Variants in NOX4 observed in about 807,000 individuals in gnomAD.
NOX4 encodes kidney oxidase-1.
A neutral mutation model predicts 87.6 loss-of-function variants in NOX4; 69 were observed. The ratio of observed to expected loss-of-function variants is 0.79; its 90% CI spans 0.65 to 0.96. The LOEUF is 0.96. Ranked by LOEUF, NOX4 falls within the 40% of genes least tolerant of loss-of-function variation. NOX4 has a pLI of 0.00. For synonymous variants in NOX4, 275 were observed against 238.2 expected (o/e 1.15, Z -1.42); for missense variants, 680 against 681.5 (o/e 1.00, Z 0.02).
chr11:89,383,811 C>G (rs540884788), intron 11 of NOX4, among the ~76,000 whole-genome samples: 3 of 152,164 alleles, frequency 2.0e-5, no homozygotes, highest in Non-Finnish European at 4.4e-5. Context: ...CTCACTGCCA[C>G]CCTTTTCTCC....
the NOX4 span, among the ~76,000 whole-genome samples, chr11:89,508,911 C>A: frequency 6.6e-6 from 1 of 152,016 alleles, no homozygotes; most frequent in African/African-American, 2.4e-5. Context: ...CCATTGCACA[C>A]AGTTGTCCAG....
intron 9 of NOX4, 93 bp from the exon 10 acceptor site, chr11:89,400,472 T>C: frequency 2.7e-6 from 2 of 745,304 alleles, no homozygotes; most frequent in Non-Finnish European, 3.9e-6. Context: ...ATTACAGTAA[T>C]AGTATTTTAA....
chr11:89,488,326 T>C (rs1946712184), intron 2 of NOX4, among the ~76,000 whole-genome samples: 1 of 151,940 alleles, frequency 6.6e-6, no homozygotes, highest in Non-Finnish European at 1.5e-5. Context: ...CAGCAGTCCT[T>C]GAAGCTCATT....
At chr11:89,426,470 T>C (rs1943419606) in intron 7 of NOX4, among the ~76,000 whole-genome samples, 2 of 151,940 alleles carry the variant, frequency 1.3e-5, no homozygotes, top group Non-Finnish European at 2.9e-5. Flanking sequence ...TTCCCTTGGC[T>C]AGCCAAGGGA....
At chr11:89,549,422 C>T in the NOX4 span, among the ~76,000 whole-genome samples, 1 of 152,190 alleles carries the variant, frequency 6.6e-6, no homozygotes, top group Non-Finnish European at 1.5e-5. Flanking sequence ...TCACATAAAA[C>T]ACTTTTTATG....
upstream of NOX4, among the ~76,000 whole-genome samples, chr11:89,493,382 C>T (rs915542678): frequency 7.0e-6 from 1 of 142,236 alleles, no homozygotes; most frequent in Non-Finnish European, 1.5e-5. Flanking sequence ...GAGCAAGACT[C>T]TATCTCAAAA....
Position 89,402,471 on chromosome 11 carries a change from G to C in NOX4, c.701C>G (p.Ser234Cys), listed in dbSNP as rs1252547029. 1 of 1,612,386 alleles carries C rather than the reference G, an allele frequency of 6.2e-7. No homozygotes were observed. The highest frequency in any genetic ancestry group is 2.2e-5 in the East Asian group (1 of 44,862). Residue 234 changes from serine to cysteine, a missense_variant, in exon 9 of 18, where the codon TCT becomes TGT. By Grantham distance (112) the Ser-to-Cys change is moderately radical. Coordinates refer to ENST00000263317, the MANE Select transcript of NOX4 (RefSeq NM_016931.5). The part of the protein sequence containing the change: ...PGCISLNRTS[S>C]QNISLPEYFS... Reference sequence around the variant, plus strand: ...ATACTCTGGTAAGGAAATATTCTGAGAGCTGGTTCGGTTAAGACTGATGCA... The same window carrying C: ...ATACTCTGGTAAGGAAATATTCTGACAGCTGGTTCGGTTAAGACTGATGCA...
chr11:89,551,831 G>A, the NOX4 span, among the ~76,000 whole-genome samples: 2 of 151,690 alleles, frequency 1.3e-5, no homozygotes, highest in African/African-American at 4.8e-5. Flanking sequence ...ATACTATGTT[G>A]AATAGAAGTG....
At chr11:89,455,280 A>G (rs1015458552) in intron 2 of NOX4, among the ~76,000 whole-genome samples, 18 of 151,988 alleles carry the variant, frequency 1.2e-4, no homozygotes, top group Non-Finnish European at 2.6e-4. Context: ...CATTACCTTG[A>G]TTCTTATATA....
intron 2 of NOX4, among the ~76,000 whole-genome samples, chr11:89,465,667 A>G (rs494021): frequency 6.6e-6 from 1 of 151,948 alleles, no homozygotes; most frequent in South Asian, 2.1e-4. Context: ...TTAATGATTG[A>G]CATTCTAACT....
At chr11:89,507,633 T>C in the NOX4 span, among the ~76,000 whole-genome samples, 1 of 151,882 alleles carries the variant, frequency 6.6e-6, no homozygotes, top group Non-Finnish European at 1.5e-5. Context: ...GGCAATTCAG[T>C]ATCCAAAACG....
intron 13 of NOX4, among the ~76,000 whole-genome samples, chr11:89,351,303 TAGA>T (rs1205068902): frequency 6.6e-6 from 1 of 152,180 alleles, no homozygotes; most frequent in Non-Finnish European, 1.5e-5. Flanking sequence ...AGTCTGAAGC[TAGA>T]AGAAGTGGTT....
the NOX4 span, among the ~76,000 whole-genome samples, chr11:89,564,571 A>C: frequency 6.6e-6 from 1 of 152,126 alleles, no homozygotes; most frequent in Non-Finnish European, 1.5e-5. Context: ...TGAATCTAAG[A>C]GTAGTGACAA....
At chr11:89,534,329 G>T in the NOX4 span, among the ~76,000 whole-genome samples, 1 of 152,174 alleles carries the variant, frequency 6.6e-6, no homozygotes, top group African/African-American at 2.4e-5. Flanking sequence ...TGTATGCCAA[G>T]GATAAACCCT....
At chr11:89,578,901 C>T in the NOX4 span, among the ~76,000 whole-genome samples, 2 of 152,134 alleles carry the variant, frequency 1.3e-5, no homozygotes, top group Admixed American at 1.3e-4. Context: ...TAGAAACAGT[C>T]AAGAGTGTTC....
chr11:89,488,141 T>G (rs372724647), intron 2 of NOX4, among the ~76,000 whole-genome samples: 2 of 152,138 alleles, frequency 1.3e-5, no homozygotes, highest in Non-Finnish European at 1.5e-5. Context: ...ACTTACCAGA[T>G]AGCTCAAATA....
chr11:89,506,235 A>AAGAAAGAG, the NOX4 span, among the ~76,000 whole-genome samples: 7 of 149,182 alleles, frequency 4.7e-5, no homozygotes, highest in African/African-American at 7.5e-5. Context: ...GAAAGAAAGA[A>AAGAAAGAG]AGAGAGAGAG....
At chr11:89,441,245 C>A (rs955587216) in intron 5 of NOX4, among the ~76,000 whole-genome samples, 2 of 152,070 alleles carry the variant, frequency 1.3e-5, no homozygotes, top group South Asian at 4.1e-4. Flanking sequence ...AAATAAAAAC[C>A]AGTTTCTGCT....
At chr11:89,456,307 T>C (rs1945195819) in intron 2 of NOX4, among the ~76,000 whole-genome samples, 1 of 152,110 alleles carries the variant, frequency 6.6e-6, no homozygotes, top group Non-Finnish European at 1.5e-5. Flanking sequence ...AATAAGTACA[T>C]TTAGAATACA....
Sources: gnomAD v4.1 joint callset for allele counts (sites outside exome capture counted in the v4.1 genomes callset) on GRCh38, gnomAD v4.1.1 for gene constraint, MANE v1.5 for transcripts, NCBI Gene and HGNC (gene_info 2026-07-23, HGNC 2026-07-21) for gene names.